The following KCNIP4 variants were observed in gnomAD, a reference collection of about 807,000 sequenced individuals.
The protein encoded by KCNIP4 is potassium voltage-gated channel interacting protein 4.
KCNIP4 carries 12 observed loss-of-function variants against 34.0 expected under a neutral mutation model. The ratio of observed to expected loss-of-function variants is 0.35; its 90% CI spans 0.23 to 0.57. The LOEUF (loss-of-function observed/expected upper bound fraction) is 0.57, where lower values mean the gene tolerates loss of function less well. Among genes scored for constraint, KCNIP4 ranks in the 20% least tolerant of loss-of-function variants. The pLI is 0.83. For missense variants in KCNIP4, 238 were observed against 311.7 expected (o/e 0.76, Z 1.78); for synonymous variants, 124 against 102.2 (o/e 1.21, Z -1.29).
At chr4:20,908,026 T>G (rs1237870718) in intron 1 of KCNIP4, among the ~76,000 whole-genome samples, 1 of 152,054 alleles carries the variant, frequency 6.6e-6, no homozygotes, top group Non-Finnish European at 1.5e-5. Flanking sequence ...TGTACCAACT[T>G]GAGGTATTAA....
intron 1 of KCNIP4, among the ~76,000 whole-genome samples, chr4:21,746,827 T>G (rs1467059936): frequency 1.3e-5 from 2 of 152,074 alleles, no homozygotes; most frequent in Non-Finnish European, 2.9e-5. Context: ...TTTTATAAAA[T>G]GCAGTATGCA....
intron 3 of KCNIP4, among the ~76,000 whole-genome samples, chr4:20,839,256 T>C (rs1313556381): frequency 6.6e-6 from 1 of 152,080 alleles, no homozygotes; most frequent in Non-Finnish European, 1.5e-5. Flanking sequence ...CATCCAGTGC[T>C]TAGCATGTAC....
At chr4:20,920,888 C>T (rs186437797) in intron 1 of KCNIP4, among the ~76,000 whole-genome samples, 1,976 of 152,156 alleles carry the variant, frequency 0.013, 20 homozygotes, top group South Asian at 0.035. Context: ...ACTCGGGAGG[C>T]TGAGGCAGGA....
chr4:21,746,547 T>TA (rs916581584), intron 1 of KCNIP4, among the ~76,000 whole-genome samples: 7 of 150,418 alleles, frequency 4.7e-5, no homozygotes. Flanking sequence ...ATCAAGATTA[T>TA]AAAAAATATT....
chr4:21,604,204 T>C (rs957878682), intron 1 of KCNIP4, among the ~76,000 whole-genome samples: 6 of 152,162 alleles, frequency 3.9e-5, no homozygotes, highest in Admixed American at 3.9e-4. Flanking sequence ...GTATCTATTG[T>C]TGCAATGCAG....
At chr4:21,604,006 G>A (rs1743432679) in intron 1 of KCNIP4, among the ~76,000 whole-genome samples, 1 of 151,836 alleles carries the variant, frequency 6.6e-6, no homozygotes, top group African/African-American at 2.4e-5. Context: ...ACTTCTGTTC[G>A]GTAATGGGAA....
intron 1 of KCNIP4, among the ~76,000 whole-genome samples, chr4:21,772,638 G>A (rs772586237): frequency 6.6e-6 from 1 of 152,058 alleles, no homozygotes; most frequent in Non-Finnish European, 1.5e-5. Context: ...CTGCTTCCTG[G>A]TTTAGTCTTG....
At chr4:21,668,831 CTATT>C (rs33977163) in intron 1 of KCNIP4, among the ~76,000 whole-genome samples, 41,782 of 151,822 alleles carry the variant, frequency 0.28, 6,845 homozygotes, top group East Asian at 0.74. Context: ...TATATACTCT[CTATT>C]TATATCTACA....
intron 1 of KCNIP4, among the ~76,000 whole-genome samples, chr4:21,166,758 G>A (rs892796043): frequency 6.6e-6 from 1 of 151,916 alleles, no homozygotes; most frequent in African/African-American, 2.4e-5. Flanking sequence ...TGCCAACATG[G>A]CAAAACCCCG....
intron 2 of KCNIP4, among the ~76,000 whole-genome samples, chr4:20,864,122 G>GCA (rs1722552613): frequency 7.3e-6 from 1 of 136,870 alleles, no homozygotes; most frequent in African/African-American, 2.5e-5. Context: ...ACATATCCAT[G>GCA]TATACACATG....
intron 1 of KCNIP4, among the ~76,000 whole-genome samples, chr4:21,439,055 G>C (rs1320631574): frequency 6.6e-6 from 1 of 151,860 alleles, no homozygotes; most frequent in Non-Finnish European, 1.5e-5. Flanking sequence ...CCAGGTACTC[G>C]GGAGGCTGAG....
chr4:20,778,412 T>C (rs16869959), intron 3 of KCNIP4, among the ~76,000 whole-genome samples: 26,025 of 152,162 alleles, frequency 0.17, 2,944 homozygotes, highest in Non-Finnish European at 0.23. Flanking sequence ...AATTCATAGA[T>C]GTCAAGATTG....
At chr4:21,218,986 A>T (rs1291452267) in intron 1 of KCNIP4, among the ~76,000 whole-genome samples, 1 of 152,196 alleles carries the variant, frequency 6.6e-6, no homozygotes, top group African/African-American at 2.4e-5. Flanking sequence ...TAGAAATATT[A>T]TAAATTCGTA....
intron 3 of KCNIP4, among the ~76,000 whole-genome samples, chr4:20,817,419 G>A (rs1026593471): frequency 6.6e-6 from 1 of 152,140 alleles, no homozygotes; most frequent in African/African-American, 2.4e-5. Flanking sequence ...GCTCCACGCT[G>A]CTCCCATCCT....
chr4:21,527,877 A>G (rs535144573), intron 1 of KCNIP4, among the ~76,000 whole-genome samples: 1 of 152,278 alleles, frequency 6.6e-6, no homozygotes, highest in Non-Finnish European at 1.5e-5. Flanking sequence ...ACTGTACCAC[A>G]GGGTCCGGTC....
chr4:21,104,226 C>G (rs1748260332), intron 1 of KCNIP4, among the ~76,000 whole-genome samples: 1 of 151,842 alleles, frequency 6.6e-6, no homozygotes, highest in Non-Finnish European at 1.5e-5. Flanking sequence ...TAAAAGTGTT[C>G]CTATTTCTCC....
chr4:21,824,408 T>C (rs554248414), intron 1 of KCNIP4, among the ~76,000 whole-genome samples: 7 of 152,286 alleles, frequency 4.6e-5, no homozygotes, highest in Admixed American at 4.6e-4. Context: ...AAAATCACTA[T>C]TGTTAAAACC....
At chr4:21,125,205 T>TATTTTATTTTATTTTA (rs1750515732) in intron 1 of KCNIP4, among the ~76,000 whole-genome samples, 2 of 144,732 alleles carry the variant, frequency 1.4e-5, no homozygotes, top group Non-Finnish European at 3.0e-5. Context: ...TATTTTATTT[T>TATTTTATTTTATTTTA]ATTTTATTTT....
chr4:21,080,207 C>T (rs1247001183), intron 1 of KCNIP4, among the ~76,000 whole-genome samples: 1 of 151,702 alleles, frequency 6.6e-6, no homozygotes, highest in Admixed American at 6.6e-5. Flanking sequence ...CTCTGTGATC[C>T]CAGGCAAGTT....
Sources: allele counts gnomAD v4.1 joint callset (sites outside exome capture counted in the v4.1 genomes callset), GRCh38; gene constraint gnomAD v4.1.1; transcripts MANE v1.5; gene names NCBI Gene and HGNC (gene_info 2026-07-23, HGNC 2026-07-21).